Variants in CDK5RAP2 observed in about 807,000 individuals in gnomAD.
CDK5RAP2 encodes CDK5 regulatory subunit-associated protein 2.
CDK5RAP2 carries 147 observed loss-of-function variants against 232.9 expected under a neutral mutation model. That is an observed-to-expected ratio of 0.63 (90% CI 0.55 to 0.72). CDK5RAP2 has a LOEUF of 0.72. Among genes scored for constraint, CDK5RAP2 ranks in the 30% least tolerant of loss-of-function variants. The pLI, the probability that CDK5RAP2 is intolerant of heterozygous loss-of-function variation, is 0.00. For synonymous variants in CDK5RAP2, 833 were observed against 833.7 expected (o/e 1.00, Z 0.01); for missense variants, 2,195 against 2,231.5 (o/e 0.98, Z 0.33).
At chr9:120,422,947 G>C (rs757610354) in intron 25 of CDK5RAP2, among the ~76,000 whole-genome samples, 3 of 152,154 alleles carry the variant, frequency 2.0e-5, no homozygotes, top group Non-Finnish European at 4.4e-5. Flanking sequence ...CTAGTGCTAG[G>C]TGACAGCACT....
chr9:120,389,802 A>C lies in CDK5RAP2; in HGVS notation c.5579-15T>G. The C allele has an allele frequency of 6.8e-6, 11 of 1,613,590 alleles. No individual in the cohort carries two copies. The highest frequency in any genetic ancestry group is 9.3e-6 in the Non-Finnish European group (11 of 1,179,478). On this transcript the variant is annotated splice_polypyrimidine_tract_variant and intron_variant, in intron 36 of 37. Coordinates refer to ENST00000349780, the MANE Select transcript of CDK5RAP2 (RefSeq NM_018249.6). The stretch of plus-strand genomic sequence containing the variant: ...GGTTACGACCACTGAGGAGAGAGCA[A>C]AGAATGCAATGATTAGGGCCATGGA...
intron 11 of CDK5RAP2, among the ~76,000 whole-genome samples, chr9:120,520,013 T>G (rs1281239904): frequency 6.6e-6 from 1 of 152,116 alleles, no homozygotes; most frequent in African/African-American, 2.4e-5. Flanking sequence ...GTCAAGAATA[T>G]GTGGTATTTC....
chr9:120,404,786 G>C (rs565303060), intron 32 of CDK5RAP2, among the ~76,000 whole-genome samples: 6 of 152,300 alleles, frequency 3.9e-5, no homozygotes, highest in African/African-American at 1.4e-4. Flanking sequence ...ACCCACAATA[G>C]GATCTGGGGG....
Position 120,439,663 on chromosome 9 carries a change from G to A in CDK5RAP2, c.3458C>T (p.Ala1153Val). 3 of 1,614,176 alleles carry A rather than the reference G, an allele frequency of 1.9e-6. No homozygotes were observed. The highest frequency in any genetic ancestry group is 2.2e-5 in the South Asian group (2 of 91,078). Residue 1153 changes from alanine to valine, a missense_variant, in exon 24 of 38, where the codon GCC becomes GTC. Ala to Val is a moderately conservative substitution (Grantham distance 64). Coordinates refer to ENST00000349780, the MANE Select transcript of CDK5RAP2 (RefSeq NM_018249.6). ...CTTGGGCTTGCTCAAGCCATCCTGG[G>A]CCCCTTCTGTCCCACACAAAACTGT... ...IITVLCGTEG[A>V]QDGLSKPKNG...
intron 1 of CDK5RAP2, among the ~76,000 whole-genome samples, chr9:120,574,112 C>T (rs1292196278): frequency 6.6e-6 from 1 of 152,206 alleles, no homozygotes; most frequent in Non-Finnish European, 1.5e-5. Flanking sequence ...AGACAAGCTT[C>T]CTACAGGCAA....
intron 26 of CDK5RAP2, 43 bp downstream of exon 26, chr9:120,422,650 A>T: frequency 6.7e-7 from 1 of 1,501,776 alleles, no homozygotes. Context: ...AATCAGACCT[A>T]GAAAGTCCTG....
intron 2 of CDK5RAP2, 29 bp from the exon 3 acceptor site, chr9:120,568,417 T>G: frequency 6.6e-7 from 1 of 1,522,878 alleles, no homozygotes. Flanking sequence ...GAGGAAAACG[T>G]CACAGCATGC....
intron 4 of CDK5RAP2, among the ~76,000 whole-genome samples, chr9:120,549,884 T>C (rs529581911): frequency 6.6e-6 from 1 of 152,344 alleles, no homozygotes; most frequent in East Asian, 1.9e-4. Context: ...ACAAAGAAGC[T>C]TTCCAATTCT....
chr9:120,439,373 G>A (rs747962714), intron 24 of CDK5RAP2, 26 bp downstream of exon 24: 28 of 1,591,894 alleles, frequency 1.8e-5, no homozygotes, highest in Middle Eastern at 1.7e-4. Context: ...AGGCTTAAAC[G>A]GGGAGACGGC....
chr9:120,502,618 C>G (rs2039627038), intron 12 of CDK5RAP2, among the ~76,000 whole-genome samples: 1 of 152,212 alleles, frequency 6.6e-6, no homozygotes. Context: ...GTGAAAATGA[C>G]CTGTTACAGA....
At chr9:120,430,906 T>C (rs1031578273) in intron 25 of CDK5RAP2, among the ~76,000 whole-genome samples, 1 of 152,150 alleles carries the variant, frequency 6.6e-6, no homozygotes, top group South Asian at 2.1e-4. Flanking sequence ...ATGTGGCACA[T>C]ATACACCATG....
chr9:120,488,449 G>A (rs889278776), intron 13 of CDK5RAP2, among the ~76,000 whole-genome samples: 4 of 152,074 alleles, frequency 2.6e-5, no homozygotes, highest in Admixed American at 6.6e-5. Context: ...AGTACTACAG[G>A]CTTAAATGGA....
chr9:120,414,809 C>T (rs1271548507), intron 28 of CDK5RAP2, among the ~76,000 whole-genome samples: 2 of 152,198 alleles, frequency 1.3e-5, no homozygotes, highest in Admixed American at 6.5e-5. Flanking sequence ...GATGAAAAGA[C>T]AATATATTGC....
chr9:120,529,030 G>A (rs1384819383), intron 8 of CDK5RAP2: 1 of 581,694 alleles, frequency 1.7e-6, no homozygotes, highest in Non-Finnish European at 3.1e-6. Flanking sequence ...CCCACAGAGA[G>A]TAAACCACAG....
At chr9:120,514,544 T>C (rs570989295) in intron 12 of CDK5RAP2, among the ~76,000 whole-genome samples, 2 of 152,290 alleles carry the variant, frequency 1.3e-5, no homozygotes, top group South Asian at 2.1e-4. Flanking sequence ...CCAGCGTGGC[T>C]GGCAATGAGT....
chr9:120,428,284 A>C (rs528484621), intron 25 of CDK5RAP2, among the ~76,000 whole-genome samples: 86 of 152,256 alleles, frequency 5.6e-4, no homozygotes, highest in African/African-American at 1.9e-3. Flanking sequence ...AATAGAGACC[A>C]AAAAAACCCT....
chr9:120,535,922 T>TG (rs1454618033), intron 7 of CDK5RAP2, among the ~76,000 whole-genome samples: 2 of 152,210 alleles, frequency 1.3e-5, no homozygotes, highest in Non-Finnish European at 2.9e-5. Flanking sequence ...TTATTTCTTG[T>TG]GGGGGCAGTC....
At chr9:120,514,744 T>C (rs2131812427) in intron 12 of CDK5RAP2, among the ~76,000 whole-genome samples, 1 of 152,310 alleles carries the variant, frequency 6.6e-6, no homozygotes, top group East Asian at 1.9e-4. Context: ...CTACCCATAG[T>C]ATACTCACCC....
chr9:120,472,595 T>C (rs975034432), intron 15 of CDK5RAP2, among the ~76,000 whole-genome samples: 8 of 152,078 alleles, frequency 5.3e-5, no homozygotes, highest in Admixed American at 4.6e-4. Flanking sequence ...ACTAATCTAT[T>C]AGGGGCCAAA....
Sources: gnomAD v4.1 joint callset for allele counts (sites outside exome capture counted in the v4.1 genomes callset) on GRCh38, gnomAD v4.1.1 for gene constraint, MANE v1.5 for transcripts, NCBI Gene and HGNC (gene_info 2026-07-23, HGNC 2026-07-21) for gene names.